The following SFXN1 variants were observed in gnomAD, a reference collection of about 807,000 sequenced individuals.
SFXN1 encodes sideroflexin 1, also known as sideroflexin-1.
SFXN1 carries 32 observed loss-of-function variants against 39.5 expected under a neutral mutation model. The observed-to-expected ratio is 0.81, with a 90% CI of 0.61 to 1.09. SFXN1 has a LOEUF of 1.09. Among genes scored for constraint, SFXN1 ranks in the 50% least tolerant of loss-of-function variants. SFXN1 has a pLI of 0.00. For synonymous variants in SFXN1, 136 were observed against 146.5 expected, an observed-to-expected ratio of 0.93 and a Z score of 0.52; for missense variants, 402 against 407.1, an observed-to-expected ratio of 0.99 and a Z score of 0.11.
At chr5:175,510,268 G>GA in intron 4 of SFXN1, 61 bp downstream of exon 4, 1 of 1,339,074 alleles carries the variant, frequency 7.5e-7, no homozygotes, top group Middle Eastern at 1.8e-4. Flanking sequence ...ATTAAGTGGT[G>GA]ATACTCTCCT....
chr5:175,479,370 G>C lies in SFXN1; in HGVS notation c.-10+731G>C, dbSNP rs182343083. ...TCTATAATCCACATGAGAAAACTGGGGCTCTGAGAGGTTGAGTGCCCAAGG... is the reference window on the plus strand; with the variant it reads ...TCTATAATCCACATGAGAAAACTGGCGCTCTGAGAGGTTGAGTGCCCAAGG... On this transcript the variant is annotated intron_variant, in intron 1 of 10. Coordinates refer to ENST00000321442, the MANE Select transcript of SFXN1 (RefSeq NM_022754.7). Among the ~76,000 whole-genome samples, 5 of 152,212 alleles carry C rather than the reference G, an allele frequency of 3.3e-5. No individual in the cohort carries two copies. In the East Asian group the frequency reaches 9.7e-4, roughly 29 times the overall value.
intron 5 of SFXN1, 23 bp from the exon 6 acceptor site, chr5:175,512,088 T>C (rs750807736): frequency 1.2e-6 from 2 of 1,604,280 alleles, no homozygotes; most frequent in South Asian, 1.1e-5. Flanking sequence ...AAGATAAAGC[T>C]CTTGAAATTT....
intron 1 of SFXN1, among the ~76,000 whole-genome samples, chr5:175,481,475 C>T (rs1318011525): frequency 6.6e-6 from 1 of 152,162 alleles, no homozygotes; most frequent in Admixed American, 6.5e-5. Flanking sequence ...GTGCGTGCCA[C>T]CATGCGCCTG....
intron 1 of SFXN1, among the ~76,000 whole-genome samples, chr5:175,490,092 T>G (rs1425378394): frequency 6.6e-6 from 1 of 152,236 alleles, no homozygotes; most frequent in African/African-American, 2.4e-5. Context: ...AGTTTCCTAA[T>G]CTGAAACTCT....
At chr5:175,492,386 A>C in intron 2 of SFXN1, 119 bp downstream of exon 2, 1 of 830,432 alleles carries the variant, frequency 1.2e-6, no homozygotes, top group Non-Finnish European at 1.7e-6. Context: ...AATTCTTTTG[A>C]CCAAAAAAAA....
At chr5:175,492,592 G>A (rs573136515) in intron 2 of SFXN1, 7 of 197,668 alleles carry the variant, frequency 3.5e-5, no homozygotes, top group African/African-American at 7.0e-5. Context: ...CAACCCCTCC[G>A]TGCATTTTTC....
intron 10 of SFXN1, among the ~76,000 whole-genome samples, chr5:175,524,274 GTGTA>G (rs1760992587): frequency 6.7e-6 from 1 of 150,084 alleles, no homozygotes; most frequent in South Asian, 2.1e-4. Flanking sequence ...TTTTATATTT[GTGTA>G]TGTATCTTTA....
At chr5:175,500,464 G>T (rs1247450501) in intron 2 of SFXN1, among the ~76,000 whole-genome samples, 2 of 142,758 alleles carry the variant, frequency 1.4e-5, no homozygotes, top group East Asian at 4.1e-4. Flanking sequence ...AAATTACAGA[G>T]AAAAAAACAG....
intron 8 of SFXN1, among the ~76,000 whole-genome samples, chr5:175,519,384 A>T (rs1054666324): frequency 6.6e-6 from 1 of 152,212 alleles, no homozygotes; most frequent in African/African-American, 2.4e-5. Context: ...CATGTCCATA[A>T]AAGACGAATA....
chr5:175,521,889 G>A, intron 8 of SFXN1, 30 bp from the exon 9 acceptor site: 1 of 1,573,664 alleles, frequency 6.4e-7, no homozygotes. Context: ...TGTATAAAAA[G>A]TATTCAAAGC....
intron 10 of SFXN1, chr5:175,522,712 T>C: frequency 6.0e-6 from 2 of 331,542 alleles, no homozygotes; most frequent in East Asian, 1.2e-4. Flanking sequence ...AAATTTAAAA[T>C]ATGGTCCAAT....
At chr5:175,513,433 G>A in intron 6 of SFXN1, 30 bp from the exon 7 acceptor site, 2 of 1,607,574 alleles carry the variant, frequency 1.2e-6, no homozygotes, top group Non-Finnish European at 1.7e-6. Flanking sequence ...AGGCATTGGT[G>A]GAGCTCTCTG....
At position 175,478,568 on chromosome 5, in the gene SFXN1, C is replaced by T. The variant is rs1439960861; in HGVS notation, c.-81C>T. The T allele has an allele frequency of 6.6e-6, 1 of 151,644 alleles. No individual in the cohort carries two copies. The highest frequency in any genetic ancestry group is 2.4e-5 in the African/African-American group (1 of 41,284). 9.4% of individuals were successfully genotyped at this position (151,644 alleles called of 1,614,324 possible). On this transcript the variant is annotated 5_prime_UTR_variant, in exon 1 of 11. Transcript: ENST00000321442. ...CGCGAGGACGCCGTGGCGGGAGAAGCGTTTCCGGTGGCGGCGGAGGCTGCA... is the reference window on the plus strand; with the variant it reads ...CGCGAGGACGCCGTGGCGGGAGAAGTGTTTCCGGTGGCGGCGGAGGCTGCA...
In SFXN1 at chr5:175,521,958, G is replaced by A. The variant is rs1453699608; in HGVS notation, c.814G>A (p.Val272Ile). Residue 272 changes from valine (V) to isoleucine (I), a missense_variant, in exon 9 of 11, where the codon GTT becomes ATT. Physicochemically the swap from Val to Ile is conservative, Grantham distance 29. Coordinates refer to ENST00000321442, the MANE Select transcript of SFXN1 (RefSeq NM_022754.7). ...WMSAPIQVGL[V>I]GFCLVFATPL... ...GAGTGCACCCATTCAAGTTGGGTTA[G>A]TTGGCTTCTGGTGAGTAGAAATTAC... 6.2e-7 allele frequency: 1 copy of A among 1,603,218 alleles called. No individual in the cohort carries two copies. Among genetic ancestry groups the A allele is most frequent in the African/African-American group, 1.3e-5 (1 of 74,984 alleles).
At chr5:175,487,858 C>G (rs952767523) in intron 1 of SFXN1, among the ~76,000 whole-genome samples, 1 of 152,156 alleles carries the variant, frequency 6.6e-6, no homozygotes, top group African/African-American at 2.4e-5. Context: ...CAACTAAATA[C>G]CTCAGGAACC....
intron 1 of SFXN1, among the ~76,000 whole-genome samples, chr5:175,485,299 C>A (rs963378695): frequency 6.6e-6 from 1 of 152,234 alleles, no homozygotes; most frequent in African/African-American, 2.4e-5. Context: ...TAAAGCAACA[C>A]AGATATATTA....
chr5:175,499,725 G>A (rs762990801), intron 2 of SFXN1, among the ~76,000 whole-genome samples: 5 of 152,172 alleles, frequency 3.3e-5, no homozygotes, highest in Non-Finnish European at 5.9e-5. Flanking sequence ...CTAAGATTGG[G>A]GAGCAAGGCA....
chr5:175,526,791 C>A lies in SFXN1; in HGVS notation c.*57C>A. The A allele has an allele frequency of 7.0e-7, 1 of 1,437,452 alleles. No homozygotes were observed. Among genetic ancestry groups the A allele is most frequent in the Non-Finnish European group, 9.8e-7 (1 of 1,022,070 alleles). The allele number at this position is 1,437,452 out of a possible 1,614,324, so 89.0% of individuals were successfully genotyped here. A position where few individuals can be genotyped will look rare whatever the true frequency, so the allele number is the denominator to read the frequency against. On this transcript the variant is annotated 3_prime_UTR_variant, in exon 11 of 11. Coordinates refer to ENST00000321442, the MANE Select transcript of SFXN1 (RefSeq NM_022754.7). ...CCACTGCAAAGCTGGTGTAGCCATGCTGGTGAGAAAAATCCTGTTCAACCT... is the reference window on the plus strand; with the variant it reads ...CCACTGCAAAGCTGGTGTAGCCATGATGGTGAGAAAAATCCTGTTCAACCT...
At chr5:175,487,895 C>T (rs1581264478) in intron 1 of SFXN1, among the ~76,000 whole-genome samples, 1 of 152,146 alleles carries the variant, frequency 6.6e-6, no homozygotes, top group East Asian at 1.9e-4. Context: ...TCACATCCCA[C>T]ATCTAAGATG....
Sources: allele counts gnomAD v4.1 joint callset (sites outside exome capture counted in the v4.1 genomes callset), GRCh38; gene constraint gnomAD v4.1.1; transcripts MANE v1.5; gene names NCBI Gene and HGNC (gene_info 2026-07-23, HGNC 2026-07-21).